The following POM121 variants were observed in gnomAD, a reference collection of about 807,000 sequenced individuals.
POM121 encodes POM121 transmembrane nucleoporin, also known as nuclear envelope pore membrane protein POM 121.
Under a neutral mutation model 81.3 loss-of-function variants are expected in POM121, and 32 were observed. That is an observed-to-expected ratio of 0.39 (90% CI 0.30 to 0.53). The LOEUF (loss-of-function observed/expected upper bound fraction) is 0.53, where lower values mean the gene tolerates loss of function less well. POM121 is among the 20% of genes least tolerant of loss of function. POM121 has a pLI of 0.66. For synonymous variants in POM121, 514 were observed against 694.2 expected, an observed-to-expected ratio of 0.74 and a Z score of 4.08; for missense variants, 1,138 against 1,614.6, an observed-to-expected ratio of 0.70 and a Z score of 5.06.
intron 4 of POM121, 48 bp downstream of exon 4, chr7:72,928,513 C>T (rs782131721): frequency 6.3e-7 from 1 of 1,586,066 alleles, no homozygotes; most frequent in East Asian, 2.2e-5. Flanking sequence ...TGGAAAAAGG[C>T]CTGATCAGAG....
At chr7:72,945,340 C>T (rs1453003293) in intron 11 of POM121, among the ~76,000 whole-genome samples, 40 of 151,618 alleles carry the variant, frequency 2.6e-4, no homozygotes, top group Non-Finnish European at 5.0e-4. Flanking sequence ...GAGGTGGCTG[C>T]GGGGCAGGGG....
downstream of POM121, chr7:72,948,393 A>C (rs782008827): frequency 6.8e-6 from 11 of 1,613,338 alleles, no homozygotes; most frequent in Non-Finnish European, 9.3e-6. Context: ...TTCAAAACGC[A>C]AACTGCTGCC....
intron 3 of POM121, among the ~76,000 whole-genome samples, chr7:72,893,399 C>T (rs1181905060): frequency 2.0e-5 from 3 of 151,746 alleles, no homozygotes; most frequent in East Asian, 4.0e-4. Flanking sequence ...CTGGCAAACA[C>T]GGTGAAACCC....
chr7:72,885,935 TCA>T (rs1275823116), intron 1 of POM121, among the ~76,000 whole-genome samples: 8 of 152,152 alleles, frequency 5.3e-5, no homozygotes, highest in African/African-American at 1.9e-4. Flanking sequence ...TTTTTAGCTA[TCA>T]CACTGTTTTG....
chr7:72,899,575 A>ATTTT (rs10709124), intron 3 of POM121, among the ~76,000 whole-genome samples: 3 of 121,448 alleles, frequency 2.5e-5, no homozygotes, highest in African/African-American at 6.4e-5. Flanking sequence ...TTGATATTAC[A>ATTTT]TTTTTTTTTT....
intron 3 of POM121, among the ~76,000 whole-genome samples, chr7:72,912,297 T>C (rs1414033303): frequency 4.6e-5 from 7 of 152,312 alleles, no homozygotes; most frequent in African/African-American, 1.7e-4. Flanking sequence ...ATACAGCCCA[T>C]GTCTTCAAAG....
At position 72,943,207 on chromosome 7, in the gene POM121, G is replaced by A. The variant is rs782616576; in HGVS notation, c.3214G>A (p.Gly1072Ser). Residue 1072 changes from glycine (G) to serine (S), a missense_variant, in exon 11 of 13, where the codon GGC (glycine) becomes AGC (serine). By Grantham distance (56) the Gly-to-Ser change is moderately conservative. Around this residue, in one of 7 missense-constraint regions of POM121, gnomAD observed 336 missense variants for 344.3 expected, o/e 0.98. Transcript: ENST00000434423. The part of the protein sequence containing the change: ...AVFFGAATSS[G>S]FGATTQTASS... Reference sequence around the variant, plus strand: ...CTTCTTCGGTGCAGCCACCAGCTCCGGCTTTGGAGCCACCACCCAGACCGC... The same window carrying A: ...CTTCTTCGGTGCAGCCACCAGCTCCAGCTTTGGAGCCACCACCCAGACCGC... 29 of 1,612,982 alleles carry A rather than the reference G, an allele frequency of 1.8e-5. No individual in the cohort carries two copies. Among genetic ancestry groups the A allele is most frequent in the East Asian group, 1.1e-4 (5 of 44,866 alleles).
chr7:72,917,090 TGTGA>T (rs1176987064), intron 4 of POM121, among the ~76,000 whole-genome samples: 3 of 152,234 alleles, frequency 2.0e-5, no homozygotes, highest in Non-Finnish European at 4.4e-5. Context: ...GCTATGTGTC[TGTGA>T]GTGAGTGTGT....
rs76562440 is a variant in POM121, at chr7:72,943,159, G to A, written c.3166G>A (p.Ala1056Thr). ...AFGAPASSQP[A>T]FGGSTAVFFG... ...CGGCGCTCCCGCCAGCTCACAGCCCGCCTTTGGCGGCTCCACTGCTGTCTT... is the reference window on the plus strand; with the variant it reads ...CGGCGCTCCCGCCAGCTCACAGCCCACCTTTGGCGGCTCCACTGCTGTCTT... Residue 1056 changes from alanine (A) to threonine (T), a missense_variant, in exon 11 of 13, where the codon GCC becomes ACC. Ala to Thr is a moderately conservative substitution (Grantham distance 58). Transcript: ENST00000434423. 7.6e-5 allele frequency: 123 copies of A among 1,613,410 alleles called. No individual in the cohort carries two copies. Among genetic ancestry groups the A allele is most frequent in the Admixed American group, 4.7e-4 (28 of 60,000 alleles).
At position 72,943,038 on chromosome 7, in the gene POM121, C is replaced by T. The variant is rs782463071; in HGVS notation, c.3045C>T (p.Ile1015=). 1.9e-6 allele frequency: 3 copies of T among 1,613,906 alleles called. No individual in the cohort carries two copies. Among genetic ancestry groups the T allele is most frequent in the Middle Eastern group, 1.7e-4 (1 of 6,056 alleles). The stretch of plus-strand genomic sequence containing the variant: ...CCACACCTGCACCTCCGTCCATGAT[C>T]AAGGTCGTGCCTGCGTACGTGCCTA... ...AAPTPAPPSM[I]KVVPAYVPTP... The change falls in exon 11 of 13, where the codon ATC becomes ATT. Residue 1015 remains isoleucine (I), a synonymous_variant. Coordinates refer to ENST00000434423, the MANE Select transcript of POM121 (RefSeq NM_001387691.1).
chr7:72,900,548 A>G (rs1217872545), intron 3 of POM121, among the ~76,000 whole-genome samples: 1 of 152,156 alleles, frequency 6.6e-6, no homozygotes, highest in Non-Finnish European at 1.5e-5. Context: ...TCTGTCACCC[A>G]GGCTGGAGTG....
intron 3 of POM121, among the ~76,000 whole-genome samples, chr7:72,912,911 C>T (rs1793945181): frequency 6.6e-6 from 1 of 152,170 alleles, no homozygotes; most frequent in African/African-American, 2.4e-5. Flanking sequence ...TACATGCCTA[C>T]AGCCATGTCG....
At chr7:72,945,536 T>C (rs379054) in intron 11 of POM121, 50 bp from the exon 12 acceptor site, 229 of 1,607,086 alleles carry the variant, frequency 1.4e-4, no homozygotes, top group East Asian at 8.3e-4. Flanking sequence ...GGCTCCTCGC[T>C]TGCCTCTGCC....
rs570480753 is a variant in POM121, at chr7:72,938,244, T to G, written c.1276-346T>G. Among the ~76,000 whole-genome samples, 231 of 151,808 alleles carry G rather than the reference T, an allele frequency of 1.5e-3. 2 individuals are homozygous for G. The highest frequency in any genetic ancestry group is 5.4e-3 in the African/African-American group (223 of 41,458). On this transcript the variant is annotated intron_variant, in intron 5 of 12. Transcript: ENST00000434423. ...TCATTTTCTTTTCTTTTTTTTTTTTTGAGACAGGGTCTCACTCTGTCACCC... is the reference window on the plus strand; with the variant it reads ...TCATTTTCTTTTCTTTTTTTTTTTTGGAGACAGGGTCTCACTCTGTCACCC...
chr7:72,925,743 C>A lies in POM121; in HGVS notation c.622C>A (p.Pro208Thr). The A allele has an allele frequency of 7.7e-7, 1 of 1,304,518 alleles. No homozygotes were observed. The highest frequency in any genetic ancestry group is 9.8e-7 in the Non-Finnish European group (1 of 1,024,598). 80.8% of individuals were successfully genotyped at this position (1,304,518 alleles called of 1,614,324 possible). ...YPSLPTPLLR[P>T]SRRPSPRDCG... Reference sequence around the variant, plus strand: ...CTCTCTGCCCACTCCTCTTCTCCGACCCTCCAGGAGGCCTTCCCCACGGTA... The same window carrying A: ...CTCTCTGCCCACTCCTCTTCTCCGAACCTCCAGGAGGCCTTCCCCACGGTA... The change falls in exon 1 of 13, where the codon CCC becomes ACC. Residue 208 changes from proline to threonine, a missense_variant. By Grantham distance (38) the Pro-to-Thr change is conservative. Transcript: ENST00000434423.
intron 3 of POM121, among the ~76,000 whole-genome samples, chr7:72,902,119 A>AG (rs1312812140): frequency 2.0e-4 from 30 of 151,834 alleles, no homozygotes; most frequent in Non-Finnish European, 2.6e-4. Context: ...GAAAAAAAAA[A>AG]CAAAAAACAA....
rs191099053 is a variant in POM121, at chr7:72,946,535, C to T, written c.*301C>T. On this transcript the variant is annotated 3_prime_UTR_variant, in exon 13 of 13. Coordinates refer to ENST00000434423, the MANE Select transcript of POM121 (RefSeq NM_001387691.1). ...ACATAGTGTCCGCTGCCCTGACTCC[C>T]GCTTAGCACACCCTTAGGCAGGCGC... is the stretch of plus-strand genomic sequence containing the variant. The T allele has an allele frequency of 1.6e-4, 186 of 1,140,362 alleles. 1 individual carries two copies. The African/African-American group carries it at 2.4e-3, about 15-fold the overall frequency. The allele number at this position is 1,140,362 out of a possible 1,614,324, so 70.6% of individuals were successfully genotyped here.
upstream of POM121, among the ~76,000 whole-genome samples, chr7:72,921,026 C>G (rs1406779522): frequency 1.3e-5 from 2 of 151,990 alleles, no homozygotes; most frequent in Non-Finnish European, 2.9e-5. Flanking sequence ...ACTAAAAATA[C>G]AAAAAAGTAG....
At chr7:72,938,891 G>A (rs1236025238) in intron 6 of POM121, among the ~76,000 whole-genome samples, 7 of 152,254 alleles carry the variant, frequency 4.6e-5, no homozygotes, top group Non-Finnish European at 7.4e-5. Flanking sequence ...TCTGGCTGTC[G>A]CCTCCCACTC....
Sources: gnomAD v4.1 joint callset for allele counts (sites outside exome capture counted in the v4.1 genomes callset) on GRCh38, gnomAD v4.1.1 for gene constraint, gnomAD v4.1.1 regional missense constraint, MANE v1.5 for transcripts, NCBI Gene and HGNC (gene_info 2026-07-23, HGNC 2026-07-21) for gene names.